ADAR: variants seen among roughly 807,000 people sequenced by gnomAD.
ADAR encodes the protein double-stranded RNA-specific adenosine deaminase.
A neutral mutation model predicts 113.2 loss-of-function variants in ADAR; 41 were observed. The observed-to-expected ratio is 0.36, with a 90% CI of 0.28 to 0.47. The LOEUF (loss-of-function observed/expected upper bound fraction) is 0.47, where lower values mean the gene tolerates loss of function less well. Among genes scored for constraint, ADAR ranks in the 20% least tolerant of loss-of-function variants. The pLI, the probability that ADAR is intolerant of heterozygous loss-of-function variation, is 1.00. For missense variants in ADAR, 1,242 were observed against 1,540.9 expected (o/e 0.81, Z 3.25); for synonymous variants, 605 against 572.6 (o/e 1.06, Z -0.81).
chr1:154,622,012 A>C (rs531717093), intron 1 of ADAR, among the ~76,000 whole-genome samples: 1 of 152,252 alleles, frequency 6.6e-6, no homozygotes, highest in Non-Finnish European at 1.5e-5. Flanking sequence ...GTTCCCACAG[A>C]TAAGGCATAA....
In ADAR at chr1:154,584,673, A is replaced by G; in HGVS notation, c.*133T>C. 1 of 838,380 alleles carries G rather than the reference A, an allele frequency of 1.2e-6. No homozygotes were observed. Among genetic ancestry groups the G allele is most frequent in the Non-Finnish European group, 1.9e-6 (1 of 516,862 alleles). The allele number at this position is 838,380 out of a possible 1,614,324, so 51.9% of individuals were successfully genotyped here. A position where few individuals can be genotyped will look rare whatever the true frequency, so the allele number is the denominator to read the frequency against. ...TAAATGGGAACCCAAAGTTTTCAGT[A>G]TCACCAATTATGGCTTAAAAAGAAA... On this transcript the variant is annotated 3_prime_UTR_variant, in exon 15 of 15. Coordinates refer to ENST00000368474, the MANE Select transcript of ADAR (RefSeq NM_001111.5).
chr1:154,590,061 C>T lies in ADAR; in HGVS notation c.2496+123G>A, dbSNP rs990982544. The T allele has an allele frequency of 1.0e-5, 15 of 1,483,102 alleles. No homozygotes were observed. In the African/African-American group the frequency reaches 1.5e-4, roughly 15 times the overall value. 91.9% of individuals were successfully genotyped at this position (1,483,102 alleles called of 1,614,324 possible). On this transcript the variant is annotated intron_variant, in intron 7 of 14. Coordinates refer to ENST00000368474, the MANE Select transcript of ADAR (RefSeq NM_001111.5). ...CTTCTTACATCTAGTGTCCCAGTTA[C>T]TGCTCTCTCGAGGCTAAGAGTAAAG...
chr1:154,601,323 C>T lies in ADAR; in HGVS notation c.1319G>A (p.Gly440Asp), dbSNP rs1274234563. The change falls in exon 2 of 15, where the codon GGC (glycine) becomes GAC (aspartate). Residue 440 changes from glycine to aspartate, a missense_variant. Physicochemically the swap from Gly to Asp is moderately conservative, Grantham distance 94 (BLOSUM62 -1). Transcript: ENST00000368474. The surrounding 1 kb of genome is among the most constrained non-coding windows in gnomAD (Gnocchi z 4.7). ...ARLKPPVHYNGPSKAGYVDFE... is the reference protein window; with the variant it reads ...ARLKPPVHYNDPSKAGYVDFE... Reference sequence around the variant, plus strand: ...GTCAACATACCCTGCTTTTGAGGGGCCATTGTAATGAACAGGTGGTTTCAG... The same window carrying T: ...GTCAACATACCCTGCTTTTGAGGGGTCATTGTAATGAACAGGTGGTTTCAG... 3 of 1,614,240 alleles carry T rather than the reference C, an allele frequency of 1.9e-6. No homozygotes were observed. Among genetic ancestry groups the T allele is most frequent in the African/African-American group, 1.3e-5 (1 of 75,064 alleles).
intron 1 of ADAR, among the ~76,000 whole-genome samples, chr1:154,606,349 A>T (rs544274382): frequency 4.9e-4 from 75 of 152,262 alleles, no homozygotes; most frequent in East Asian, 1.9e-4. Flanking sequence ...TTATTTTTTT[A>T]AAATGTGTCA....
intron 1 of ADAR, among the ~76,000 whole-genome samples, chr1:154,614,451 G>A (rs1032531742): frequency 6.6e-6 from 1 of 152,244 alleles, no homozygotes; most frequent in Non-Finnish European, 1.5e-5. Context: ...CTCAGCCCCA[G>A]CCTCATGCAA....
upstream of ADAR, among the ~76,000 whole-genome samples, chr1:154,608,540 C>T (rs1292970445): frequency 8.1e-6 from 1 of 123,164 alleles, no homozygotes; most frequent in African/African-American, 2.9e-5. Context: ...CAGGGTTTCA[C>T]CACGTTAGCC....
intron 1 of ADAR, among the ~76,000 whole-genome samples, chr1:154,603,163 G>T (rs750012598): frequency 6.6e-6 from 1 of 152,226 alleles, no homozygotes; most frequent in East Asian, 1.9e-4. Flanking sequence ...AAGATCTATC[G>T]TTTAGATGAC....
chr1:154,589,732 C>G, intron 8 of ADAR, 25 bp downstream of exon 8: 1 of 1,613,966 alleles, frequency 6.2e-7, no homozygotes, highest in Non-Finnish European at 8.5e-7. Flanking sequence ...CCATGGGAGG[C>G]GGCATGTCTC....
chr1:154,619,067 G>T (rs1345213491), intron 1 of ADAR, among the ~76,000 whole-genome samples: 1 of 152,086 alleles, frequency 6.6e-6, no homozygotes, highest in Non-Finnish European at 1.5e-5. Flanking sequence ...CTGAGATTGT[G>T]CCACTGCACT....
At chr1:154,586,460 A>G (rs989550471) in intron 11 of ADAR, 97 bp from the exon 12 acceptor site, 4 of 1,216,050 alleles carry the variant, frequency 3.3e-6, no homozygotes, top group Non-Finnish European at 4.7e-6. Context: ...CACAGGCTAC[A>G]TTCATTCATT....
upstream of ADAR, among the ~76,000 whole-genome samples, chr1:154,610,824 G>GAAAAAAAAAAAAAAAAAAAAAA (rs1298389364): frequency 1.5e-5 from 1 of 65,242 alleles, no homozygotes; most frequent in Non-Finnish European, 2.7e-5. Context: ...AAAAAAAAAA[G>GAAAAAAAAAAAAAAAAAAAAAA]AAAAAAAAAA....
At chr1:154,605,339 C>T (rs1039559658) in intron 1 of ADAR, among the ~76,000 whole-genome samples, 2 of 152,240 alleles carry the variant, frequency 1.3e-5, no homozygotes, top group East Asian at 1.9e-4. Context: ...AGACTCCTGA[C>T]TCCCACCTTC....
chr1:154,606,188 C>T (rs1299491411), intron 1 of ADAR, among the ~76,000 whole-genome samples: 1 of 152,094 alleles, frequency 6.6e-6, no homozygotes, highest in Non-Finnish European at 1.5e-5. Context: ...ATTACAGGCG[C>T]ACGCCACCAC....
At chr1:154,615,587 T>C (rs1698612242) in intron 1 of ADAR, among the ~76,000 whole-genome samples, 1 of 151,872 alleles carries the variant, frequency 6.6e-6, no homozygotes, top group Admixed American at 6.6e-5. Context: ...TTAAAAAAAT[T>C]TTTTTTCGTA....
chr1:154,621,586 TA>T (rs1322635452), intron 1 of ADAR, among the ~76,000 whole-genome samples: 1 of 152,046 alleles, frequency 6.6e-6, no homozygotes, highest in African/African-American at 2.4e-5. Flanking sequence ...AAAGTAGAAA[TA>T]AAAATGGCTC....
chr1:154,614,330 AG>A (rs1698574775), intron 1 of ADAR, among the ~76,000 whole-genome samples: 1 of 152,238 alleles, frequency 6.6e-6, no homozygotes, highest in South Asian at 2.1e-4. Flanking sequence ...TGGCTAGCAC[AG>A]AGGTTCCGCT....
At position 154,588,913 on chromosome 1, in the gene ADAR, G is replaced by A. The variant is rs181144988; in HGVS notation, c.2763-240C>T. 1.6e-3 allele frequency among the ~76,000 whole-genome samples: 241 copies of A among 152,314 alleles called. 1 individual carries two copies. Among genetic ancestry groups the A allele is most frequent in the African/African-American group, 5.7e-3 (235 of 41,576 alleles). Reference sequence around the variant, plus strand: ...CTATGGCGGCTACAGGGATTCTAGAGCAGAGCAAACTGATTCAAGGACTAC... The same window carrying A: ...CTATGGCGGCTACAGGGATTCTAGAACAGAGCAAACTGATTCAAGGACTAC... On this transcript the variant is annotated intron_variant, in intron 9 of 14. Transcript: ENST00000368474.
chr1:154,610,915 G>A (rs900274232), upstream of ADAR, among the ~76,000 whole-genome samples: 2 of 151,842 alleles, frequency 1.3e-5, no homozygotes, highest in African/African-American at 4.8e-5. Flanking sequence ...TTGGGTACCG[G>A]TGATGTTCTA....
intron 1 of ADAR, among the ~76,000 whole-genome samples, chr1:154,622,948 A>G (rs984602166): frequency 2.0e-5 from 3 of 152,236 alleles, no homozygotes; most frequent in Admixed American, 6.5e-5. Context: ...CTAATGAAAG[A>G]CAGTCAATGA....
Sources: gnomAD v4.1 joint callset for allele counts (sites outside exome capture counted in the v4.1 genomes callset) on GRCh38, gnomAD v4.1.1 for gene constraint, Gnocchi (gnomAD v3.1) non-coding constraint, MANE v1.5 for transcripts, NCBI Gene and HGNC (gene_info 2026-07-23, HGNC 2026-07-21) for gene names.